Variants in SEZ6L observed in about 807,000 individuals in gnomAD.
SEZ6L encodes seizure 6-like protein.
A neutral mutation model predicts 106.2 loss-of-function variants in SEZ6L; 37 were observed. That is an observed-to-expected ratio of 0.35 (90% CI 0.27 to 0.46). The LOEUF is 0.46. SEZ6L is among the 20% of genes least tolerant of loss of function. The pLI, the probability that SEZ6L is intolerant of heterozygous loss-of-function variation, is 1.00. For missense variants in SEZ6L, 1,172 were observed against 1,332.8 expected (o/e 0.88, Z 1.88); for synonymous variants, 541 against 570.4 (o/e 0.95, Z 0.73).
chr22:26,257,667 G>T (rs928617464), intron 1 of SEZ6L, among the ~76,000 whole-genome samples: 5 of 152,146 alleles, frequency 3.3e-5, no homozygotes, highest in African/African-American at 1.2e-4. Context: ...ACTAAAGAGG[G>T]AAAACCATGA....
At chr22:26,314,445 T>C (rs1293160058) in intron 9 of SEZ6L, among the ~76,000 whole-genome samples, 3 of 152,176 alleles carry the variant, frequency 2.0e-5, no homozygotes, top group African/African-American at 7.2e-5. Flanking sequence ...GTAACACCCA[T>C]TTACTGGACT....
chr22:26,190,715 A>G lies in SEZ6L; in HGVS notation c.94+20952A>G, dbSNP rs572843401. ...CTGACCTCCCCCAACACATGGACTGAAAGAGAGAGGTGGGGACTTGCCAAA... is the reference window on the plus strand; with the variant it reads ...CTGACCTCCCCCAACACATGGACTGGAAGAGAGAGGTGGGGACTTGCCAAA... On this transcript the variant is annotated intron_variant, in intron 1 of 16. Coordinates refer to ENST00000248933, the MANE Select transcript of SEZ6L (RefSeq NM_021115.5). Among the ~76,000 whole-genome samples the G allele has an allele frequency of 2.6e-5, 4 of 152,298 alleles. No individual in the cohort carries two copies. The South Asian group carries it at 8.3e-4, about 32-fold the overall frequency.
intron 13 of SEZ6L, among the ~76,000 whole-genome samples, chr22:26,367,046 C>A (rs888163341): frequency 1.3e-5 from 2 of 152,110 alleles, no homozygotes; most frequent in Non-Finnish European, 2.9e-5. Context: ...TATACATTTA[C>A]ATACATACAT....
chr22:26,193,023 T>C (rs1176181349), intron 1 of SEZ6L, among the ~76,000 whole-genome samples: 3 of 152,244 alleles, frequency 2.0e-5, no homozygotes, highest in Non-Finnish European at 2.9e-5. Context: ...GTACCTACTC[T>C]AGCAGGGAGT....
chr22:26,266,539 C>T (rs1053594364), intron 1 of SEZ6L, among the ~76,000 whole-genome samples: 6 of 151,600 alleles, frequency 4.0e-5, no homozygotes, highest in African/African-American at 1.5e-4. Flanking sequence ...CACCACTGCA[C>T]TCCCGCCTGG....
intron 12 of SEZ6L, among the ~76,000 whole-genome samples, chr22:26,361,346 AAAC>A (rs1290033426): frequency 6.7e-6 from 1 of 149,112 alleles, no homozygotes. Flanking sequence ...AAAAATACAA[AAAC>A]AAAAAAAATC....
At chr22:26,278,231 A>T (rs2080618084) in intron 1 of SEZ6L, among the ~76,000 whole-genome samples, 1 of 152,256 alleles carries the variant, frequency 6.6e-6, no homozygotes, top group African/African-American at 2.4e-5. Flanking sequence ...CGCAAGAAGC[A>T]GGGCTTTCCT....
chr22:26,372,908 T>C (rs2084087188), intron 13 of SEZ6L, among the ~76,000 whole-genome samples: 1 of 152,232 alleles, frequency 6.6e-6, no homozygotes, highest in Admixed American at 6.5e-5. Context: ...GGATTTTGTA[T>C]GAAGGTCTGG....
chr22:26,303,170 A>G (rs768969177), intron 5 of SEZ6L, among the ~76,000 whole-genome samples: 1 of 152,238 alleles, frequency 6.6e-6, no homozygotes, highest in Non-Finnish European at 1.5e-5. Context: ...CCTCTAGGAC[A>G]GAAGGGCAGC....
chr22:26,237,761 C>G (rs2078996136), intron 1 of SEZ6L, among the ~76,000 whole-genome samples: 1 of 151,890 alleles, frequency 6.6e-6, no homozygotes, highest in Non-Finnish European at 1.5e-5. Context: ...CCCACCCCAC[C>G]CCACCTGCTC....
chr22:26,310,416 A>G (rs774949169), intron 6 of SEZ6L, among the ~76,000 whole-genome samples: 1 of 152,180 alleles, frequency 6.6e-6, no homozygotes, highest in Non-Finnish European at 1.5e-5. Context: ...CACACCTGTA[A>G]TCTCAGCTAC....
intron 9 of SEZ6L, among the ~76,000 whole-genome samples, chr22:26,339,918 C>A (rs1204058779): frequency 2.6e-5 from 4 of 152,256 alleles, no homozygotes; most frequent in Admixed American, 1.3e-4. Flanking sequence ...CAGCCAAGAC[C>A]ATTGCATCAA....
chr22:26,194,716 T>C (rs1454689407), intron 1 of SEZ6L, among the ~76,000 whole-genome samples: 1 of 152,152 alleles, frequency 6.6e-6, no homozygotes, highest in Non-Finnish European at 1.5e-5. Flanking sequence ...TTGATTTGAA[T>C]CCCAGCTCCT....
At chr22:26,285,695 C>A (rs1324553933) in intron 1 of SEZ6L, among the ~76,000 whole-genome samples, 1 of 152,166 alleles carries the variant, frequency 6.6e-6, no homozygotes, top group Non-Finnish European at 1.5e-5. Flanking sequence ...GCTTCTGTCA[C>A]CCAGCAAAAA....
chr22:26,355,111 A>C (rs1387696670), intron 12 of SEZ6L, among the ~76,000 whole-genome samples: 1 of 152,244 alleles, frequency 6.6e-6, no homozygotes, highest in Admixed American at 6.5e-5. Context: ...TTGTCGACTG[A>C]ACAAAGGGAA....
intron 11 of SEZ6L, among the ~76,000 whole-genome samples, chr22:26,348,640 GAAAGAAAA>G (rs1261389244): frequency 3.9e-5 from 1 of 25,790 alleles, no homozygotes; most frequent in Non-Finnish European, 6.1e-5. Context: ...AAGAAAGAAA[GAAAGAAAA>G]AGAAAGAAAG....
At chr22:26,368,336 G>T (rs2083889499) in intron 13 of SEZ6L, among the ~76,000 whole-genome samples, 1 of 152,174 alleles carries the variant, frequency 6.6e-6, no homozygotes, top group African/African-American at 2.4e-5. Flanking sequence ...ATAGCCACGA[G>T]ATGGAAACAA....
At chr22:26,379,691 T>C (rs1312236891) in intron 16 of SEZ6L, among the ~76,000 whole-genome samples, 1 of 152,224 alleles carries the variant, frequency 6.6e-6, no homozygotes, top group Non-Finnish European at 1.5e-5. Flanking sequence ...TCAGGGCATA[T>C]GTTATTTTGC....
intron 1 of SEZ6L, among the ~76,000 whole-genome samples, chr22:26,288,131 T>C (rs910749875): frequency 6.6e-6 from 1 of 152,210 alleles, no homozygotes. Context: ...CTGGGATTGC[T>C]AGGGGAGATC....
Sources: gnomAD v4.1 joint callset for allele counts (sites outside exome capture counted in the v4.1 genomes callset) on GRCh38, gnomAD v4.1.1 for gene constraint, MANE v1.5 for transcripts, NCBI Gene and HGNC (gene_info 2026-07-23, HGNC 2026-07-21) for gene names.